Variants in PRIM2 observed in about 807,000 individuals in gnomAD.
PRIM2 encodes DNA primase subunit 2.
A neutral mutation model predicts 67.3 loss-of-function variants in PRIM2; 39 were observed. The observed-to-expected ratio is 0.58, with a 90% CI of 0.45 to 0.76. The LOEUF (loss-of-function observed/expected upper bound fraction) is 0.76. PRIM2 is among the 30% of genes least tolerant of loss of function. The pLI is 0.00. For missense variants in PRIM2, 398 were observed against 598.7 expected, an observed-to-expected ratio of 0.66 and a Z score of 3.50; for synonymous variants, 143 against 198.7, an observed-to-expected ratio of 0.72 and a Z score of 2.36.
At chr6:57,265,599 T>C in the PRIM2 span, among the ~76,000 whole-genome samples, 2 of 152,204 alleles carry the variant, frequency 1.3e-5, no homozygotes, top group Non-Finnish European at 2.9e-5. Context: ...TGTGAATGCA[T>C]TTAGTGATTT....
At chr6:57,308,907 T>C in the PRIM2 span, among the ~76,000 whole-genome samples, 3 of 151,870 alleles carry the variant, frequency 2.0e-5, no homozygotes, top group African/African-American at 7.2e-5. Flanking sequence ...CTGAGATACA[T>C]GTGCAGAATG....
the PRIM2 span, among the ~76,000 whole-genome samples, chr6:57,228,935 T>C: frequency 6.6e-6 from 1 of 152,216 alleles, no homozygotes; most frequent in Non-Finnish European, 1.5e-5. Context: ...TTACTAGTTA[T>C]ATGGGAATGG....
At chr6:57,384,827 C>A (rs1431550920) in intron 7 of PRIM2, among the ~76,000 whole-genome samples, 1 of 152,134 alleles carries the variant, frequency 6.6e-6, no homozygotes, top group Non-Finnish European at 1.5e-5. Flanking sequence ...TTCTTTCAAG[C>A]CAAGCTGCCC....
chr6:57,412,611 T>G (rs1286363974), intron 7 of PRIM2, among the ~76,000 whole-genome samples: 1 of 152,096 alleles, frequency 6.6e-6, no homozygotes, highest in Non-Finnish European at 1.5e-5. Flanking sequence ...GATTTTACAG[T>G]TAAATATCTT....
intron 8 of PRIM2, among the ~76,000 whole-genome samples, chr6:57,521,230 T>C (rs1187154094): frequency 2.6e-5 from 4 of 152,136 alleles, no homozygotes; most frequent in Non-Finnish European, 5.9e-5. Flanking sequence ...GTTGACTGAA[T>C]TTTCCTGTGA....
intron 7 of PRIM2, among the ~76,000 whole-genome samples, chr6:57,493,288 A>C (rs1388768235): frequency 6.6e-6 from 1 of 152,206 alleles, no homozygotes; most frequent in Admixed American, 6.5e-5. Flanking sequence ...TGTTTCCTTA[A>C]GTCCTTTGTT....
In PRIM2 at chr6:57,645,406, T is replaced by A. The variant is rs1172000827; in HGVS notation, c.1300-522T>A. 3.3e-5 allele frequency among the ~76,000 whole-genome samples: 5 copies of A among 151,836 alleles called. No individual in the cohort carries two copies. In the East Asian group the frequency reaches 9.7e-4, roughly 29 times the overall value. ...CAAACATATTTTTATAGTTTTCTAA[T>A]TTTTTGTTTTGACGTAATTGTCAAC... On this transcript the variant is annotated intron_variant, in intron 13 of 13. Coordinates refer to ENST00000615550, the MANE Select transcript of PRIM2 (RefSeq NM_000947.5).
intron 7 of PRIM2, among the ~76,000 whole-genome samples, chr6:57,412,522 G>A (rs1489867504): frequency 2.0e-5 from 3 of 151,800 alleles, no homozygotes; most frequent in Non-Finnish European, 4.4e-5. Flanking sequence ...TTATGGAACG[G>A]CTTTTATCTA....
intron 10 of PRIM2, among the ~76,000 whole-genome samples, chr6:57,542,589 C>T (rs1396508485): frequency 6.6e-6 from 1 of 151,366 alleles, no homozygotes; most frequent in Non-Finnish European, 1.5e-5. Context: ...TTCAAAAATT[C>T]TTATAAAAGA....
intron 10 of PRIM2, among the ~76,000 whole-genome samples, chr6:57,592,290 C>A (rs1380148024): frequency 1.3e-5 from 2 of 152,150 alleles, no homozygotes; most frequent in African/African-American, 2.4e-5. Flanking sequence ...TATAACAAAC[C>A]TGCATGTGTA....
At chr6:57,588,065 G>A (rs1372480306) in intron 10 of PRIM2, among the ~76,000 whole-genome samples, 1 of 152,138 alleles carries the variant, frequency 6.6e-6, no homozygotes, top group Non-Finnish European at 1.5e-5. Context: ...TTATTTAAGT[G>A]GATAGGTTGA....
At chr6:57,382,743 G>A (rs1770006174) in intron 7 of PRIM2, 1 of 152,112 alleles carries the variant, frequency 6.6e-6, no homozygotes, top group African/African-American at 2.4e-5. Flanking sequence ...ATTTTTATAT[G>A]TAAAACACAT....
intron 8 of PRIM2, among the ~76,000 whole-genome samples, chr6:57,511,739 A>C (rs1294865216): frequency 6.6e-6 from 1 of 152,086 alleles, no homozygotes; most frequent in Non-Finnish European, 1.5e-5. Context: ...AGGAGAATAA[A>C]GAAAGGAAGA....
At chr6:57,371,332 G>T (rs1170852277) in intron 5 of PRIM2, among the ~76,000 whole-genome samples, 1 of 151,992 alleles carries the variant, frequency 6.6e-6, no homozygotes, top group African/African-American at 2.4e-5. Context: ...TTGAATTTAG[G>T]GAAAGGTGAG....
chr6:57,312,944 T>G (rs2127263254), upstream of PRIM2, among the ~76,000 whole-genome samples: 1 of 152,172 alleles, frequency 6.6e-6, no homozygotes, highest in East Asian at 1.9e-4. Flanking sequence ...GAATTGTCTA[T>G]TTTTTTCTTC....
At chr6:57,374,419 G>T (rs1006216835) in intron 5 of PRIM2, among the ~76,000 whole-genome samples, 2 of 148,776 alleles carry the variant, frequency 1.3e-5, no homozygotes, top group Middle Eastern at 3.2e-3. Flanking sequence ...TCAGCCTCCC[G>T]TGTAGCTGGG....
the PRIM2 span, among the ~76,000 whole-genome samples, chr6:57,308,650 C>T: frequency 0.21 from 31,256 of 152,078 alleles, 3,367 homozygotes; most frequent in African/African-American, 0.26. Context: ...ACTTATAGTA[C>T]ACGAGTTCCT....
At chr6:57,402,012 T>G (rs1275855801) in intron 7 of PRIM2, among the ~76,000 whole-genome samples, 1 of 152,200 alleles carries the variant, frequency 6.6e-6, no homozygotes, top group East Asian at 1.9e-4. Context: ...GCAGAGCTGC[T>G]ACTGGTTTGA....
chr6:57,330,920 C>T (rs1768036010), intron 5 of PRIM2, among the ~76,000 whole-genome samples: 1 of 152,042 alleles, frequency 6.6e-6, no homozygotes, highest in Admixed American at 6.6e-5. Flanking sequence ...CGGTGGCTCA[C>T]ACCTGTAATC....
Sources: allele counts gnomAD v4.1 joint callset (sites outside exome capture counted in the v4.1 genomes callset), GRCh38; gene constraint gnomAD v4.1.1; transcripts MANE v1.5; gene names NCBI Gene and HGNC (gene_info 2026-07-23, HGNC 2026-07-21).